The following GANAB variants were observed in gnomAD, a reference collection of about 807,000 sequenced individuals.
The protein encoded by GANAB is neutral alpha-glucosidase AB.
Under a neutral mutation model 129.9 loss-of-function variants are expected in GANAB, and 35 were observed. That is an observed-to-expected ratio of 0.27 (90% confidence interval 0.21 to 0.36). The LOEUF is 0.36. Ranked by LOEUF, GANAB falls within the 10% of genes least tolerant of loss-of-function variation. The pLI is 1.00. For synonymous variants in GANAB, 482 were observed against 451.8 expected (o/e 1.07, Z -0.85); for missense variants, 939 against 1,221.0 (o/e 0.77, Z 3.44).
chr11:62,638,524 T>A (rs1477388040), intron 4 of GANAB, among the ~76,000 whole-genome samples: 1 of 151,380 alleles, frequency 6.6e-6, no homozygotes, highest in African/African-American at 2.4e-5. Context: ...GGTGACAGAG[T>A]ATCATGACAC....
Position 62,646,583 on chromosome 11 carries a change from G to A in GANAB, c.17C>T (p.Ala6Val), listed in dbSNP as rs569485453. 33 of 1,613,848 alleles carry A rather than the reference G, an allele frequency of 2.0e-5. No homozygotes were observed. Among genetic ancestry groups the A allele is most frequent in the African/African-American group, 1.1e-4 (8 of 75,052 alleles). Residue 6 changes from alanine to valine, a missense_variant, in exon 1 of 24, where the codon GCA becomes GTA. This residue lies in a region of GANAB where 321 missense variants were observed against 329.1 expected (regional missense o/e 0.98). Transcript: ENST00000356638. MAAVA[A>V]VAARRRRSWA... is the part of the protein sequence containing the mutation. ...TCACCGCCTCCTACGCGCCGCCACT[G>A]CCGCTACCGCCGCCATCTTGTGCAG...
chr11:62,625,399 A>G lies in GANAB; in HGVS notation c.*416T>C. 1 of 421,170 alleles carries G rather than the reference A, an allele frequency of 2.4e-6. No homozygotes were observed. The highest frequency in any genetic ancestry group is 4.7e-6 in the Non-Finnish European group (1 of 211,926). The allele number at this position is 421,170 out of a possible 1,614,324, so 26.1% of individuals were successfully genotyped here. A position where few individuals can be genotyped will look rare whatever the true frequency, so the allele number is the denominator to read the frequency against. ...CAATCTGGTGGGAGGGAAGGGGAAA[A>G]GGAGCCCTAACTCATTGCCCTCATC... is the stretch of plus-strand genomic sequence containing the variant. On this transcript the variant is annotated 3_prime_UTR_variant, in exon 24 of 24. Transcript: ENST00000356638.
In GANAB at chr11:62,642,705, T is replaced by C. The variant is rs184235724; in HGVS notation, c.39-2974A>G. On this transcript the variant is annotated intron_variant, in intron 1 of 23. Transcript: ENST00000356638. ...TCTCAGTCTCCCACAGTGCTGGGAT[T>C]ACAGGCGTTGTGTCATCGCGCCCCA... Among the ~76,000 whole-genome samples, 256 of 152,272 alleles carry C rather than the reference T, an allele frequency of 1.7e-3. 1 individual carries two copies. The highest frequency in any genetic ancestry group is 4.0e-3 in the Admixed American group (61 of 15,274).
intron 17 of GANAB, 139 bp from the exon 18 acceptor site, chr11:62,627,492 G>C: frequency 1.6e-6 from 1 of 608,026 alleles, no homozygotes. Context: ...AACACTTTGG[G>C]AGGCCGAGGC....
intron 17 of GANAB, among the ~76,000 whole-genome samples, chr11:62,627,764 C>G (rs531429446): frequency 6.6e-6 from 1 of 152,152 alleles, no homozygotes; most frequent in African/African-American, 2.4e-5. Context: ...AAGAACAGCA[C>G]AGGGGTTAAG....
At position 62,646,571 on chromosome 11, in the gene GANAB, C is replaced by A. The variant is rs1285713896; in HGVS notation, c.29G>T (p.Arg10Leu). Residue 10 changes from arginine (R) to leucine (L), a missense_variant, in exon 1 of 24, where the codon CGT becomes CTT. Coordinates refer to ENST00000356638, the MANE Select transcript of GANAB (RefSeq NM_198334.3). ...ATTCCGGGCTCCTCACCGCCTCCTACGCGCCGCCACTGCCGCTACCGCCGC... is the reference window on the plus strand; with the variant it reads ...ATTCCGGGCTCCTCACCGCCTCCTAAGCGCCGCCACTGCCGCTACCGCCGC... MAAVAAVAA[R>L]RRRSWASLVL... The A allele has an allele frequency of 6.2e-7, 1 of 1,613,676 alleles. No homozygotes were observed. The highest frequency in any genetic ancestry group is 1.1e-5 in the South Asian group (1 of 91,088).
intron 14 of GANAB, 33 bp from the exon 15 acceptor site, chr11:62,629,717 A>T: frequency 6.2e-7 from 1 of 1,604,352 alleles, no homozygotes; most frequent in South Asian, 1.1e-5. Flanking sequence ...GGTAGTGAGG[A>T]GCAAAAGCCA....
intron 16 of GANAB, 85 bp from the exon 17 acceptor site, chr11:62,629,097 G>A: frequency 1.3e-6 from 2 of 1,558,592 alleles, no homozygotes; most frequent in Non-Finnish European, 8.8e-7. Flanking sequence ...CCCTAACTTG[G>A]ACTCTCAACT....
chr11:62,641,664 T>C (rs1432637471), intron 1 of GANAB, among the ~76,000 whole-genome samples: 3 of 152,016 alleles, frequency 2.0e-5, no homozygotes, highest in African/African-American at 7.2e-5. Flanking sequence ...CACTGTAACC[T>C]CCGCCTCCCA....
rs1943420511 is a variant in GANAB at position 62,627,042 on chromosome 11, A to G, written c.2322+6T>C. On this transcript the variant is annotated splice_donor_region_variant and intron_variant, in intron 19 of 23. Coordinates refer to ENST00000356638, the MANE Select transcript of GANAB (RefSeq NM_198334.3). ...TCTTTCCCCACCATGCCCTTCCTTAACTCACCTCCCCTTGGCCAGGCAGAT... is the reference window on the plus strand; with the variant it reads ...TCTTTCCCCACCATGCCCTTCCTTAGCTCACCTCCCCTTGGCCAGGCAGAT... 6.2e-7 allele frequency: 1 copy of G among 1,612,088 alleles called. No individual in the cohort carries two copies. Among genetic ancestry groups the G allele is most frequent in the Non-Finnish European group, 8.5e-7 (1 of 1,178,342 alleles).
intron 1 of GANAB, among the ~76,000 whole-genome samples, chr11:62,643,256 G>A (rs1207994839): frequency 1.3e-5 from 2 of 152,106 alleles, no homozygotes; most frequent in South Asian, 2.1e-4. Context: ...CTATAATCTT[G>A]GCACTTTGGG....
At position 62,639,073 on chromosome 11, in the gene GANAB, T is replaced by C; in HGVS notation, c.290A>G (p.Asn97Ser). The C allele has an allele frequency of 6.2e-7, 1 of 1,614,106 alleles. No homozygotes were observed. Among genetic ancestry groups the C allele is most frequent in the Non-Finnish European group, 8.5e-7 (1 of 1,179,984 alleles). Residue 97 changes from asparagine to serine, a missense_variant, in exon 4 of 24, where the codon AAC becomes AGC. Physicochemically the swap from Asn to Ser is conservative, Grantham distance 46. This residue lies in a region of GANAB where 321 missense variants were observed against 329.1 expected (regional missense o/e 0.98). Transcript: ENST00000356638. ...CTCATCAATCCTGAACCGAGTCATG[T>C]TCTTTTGAAGCCCCTGAAGCTCTAG... ...LVLELQGLQK[N>S]MTRFRIDELE... is the part of the protein sequence containing the mutation.
Position 62,625,670 on chromosome 11 carries a change from T to G in GANAB, c.*145A>C. 4 of 648,224 alleles carry G rather than the reference T, an allele frequency of 6.2e-6. No individual in the cohort carries two copies. Among genetic ancestry groups the G allele is most frequent in the African/African-American group, 1.8e-5 (1 of 55,862 alleles). The allele number at this position is 648,224 out of a possible 1,614,324, so 40.2% of individuals were successfully genotyped here. The stretch of plus-strand genomic sequence containing the variant: ...AATTTGGAGCCCAGGGTCAGCCCTC[T>G]CATCCTGCCCAAATGTTGGCAGAAT... On this transcript the variant is annotated 3_prime_UTR_variant, in exon 24 of 24. Transcript: ENST00000356638.
intron 9 of GANAB, 33 bp downstream of exon 9, chr11:62,632,532 C>A: frequency 6.4e-7 from 1 of 1,569,276 alleles, no homozygotes; most frequent in Non-Finnish European, 8.8e-7. Context: ...GGAAGCTTCA[C>A]TCCCTCCTTT....
Position 62,628,730 on chromosome 11 carries a change from ACCTCAGCCCACTCTTCACAG to A in GANAB, c.2180+19_2180+38del. ...AGCCCAGTCCCTAATACCCCCAGCCACCTCAGCCCACTCTTCACAGCCCAAGTGAATGCCTCACCTCATGA... is the reference window on the plus strand; with the variant it reads ...AGCCCAGTCCCTAATACCCCCAGCCACCCAAGTGAATGCCTCACCTCATGA... On this transcript the variant is annotated intron_variant, in intron 17 of 23. Transcript: ENST00000356638. 1 of 1,601,662 alleles carries A rather than the reference ACCTCAGCCCACTCTTCACAG, an allele frequency of 6.2e-7. No individual in the cohort carries two copies. Among genetic ancestry groups the A allele is most frequent in the Non-Finnish European group, 8.5e-7 (1 of 1,170,000 alleles).
chr11:62,639,563 A>T, intron 2 of GANAB, 64 bp downstream of exon 2: 1 of 1,446,514 alleles, frequency 6.9e-7, no homozygotes, highest in East Asian at 2.3e-5. Context: ...TCCATCTGCC[A>T]CAGATATCTC....
intron 6 of GANAB, 80 bp from the exon 7 acceptor site, chr11:62,633,351 T>A (rs1461027524): frequency 1.6e-5 from 25 of 1,531,100 alleles, no homozygotes. Context: ...ATCCCATCCC[T>A]GATGGGGAGA....
At chr11:62,633,749 C>T in intron 5 of GANAB, 1 of 582,638 alleles carries the variant, frequency 1.7e-6, no homozygotes. Context: ...AGGCACAGGC[C>T]TGAACACCAG....
chr11:62,630,415 G>T lies in GANAB; in HGVS notation c.1477C>A (p.Arg493=), dbSNP rs556345168. Residue 493 remains arginine, a synonymous_variant, in exon 12 of 24, where the codon CGG becomes AGG. Transcript: ENST00000356638. The part of the protein sequence containing the change: ...LRNLGLYVKT[R]DGSDYEGWCW... ...CAGCCCTCATAGTCAGAGCCATCCC[G>T]GGTTTTAACATACAGCCCCAGGTTC... 6.2e-7 allele frequency: 1 copy of T among 1,614,042 alleles called. No homozygotes were observed. The highest frequency in any genetic ancestry group is 1.3e-5 in the African/African-American group (1 of 74,936).
Sources: gnomAD v4.1 joint callset for allele counts (sites outside exome capture counted in the v4.1 genomes callset) on GRCh38, gnomAD v4.1.1 for gene constraint, gnomAD v4.1.1 regional missense constraint, MANE v1.5 for transcripts, NCBI Gene and HGNC (gene_info 2026-07-23, HGNC 2026-07-21) for gene names.